Variants in ASB6 observed in about 807,000 individuals in gnomAD.
ASB6 encodes the protein ankyrin repeat and SOCS box containing 6.
ASB6 carries 24 observed loss-of-function variants against 28.6 expected under a neutral mutation model. The ratio of observed to expected loss-of-function variants is 0.84; its 90% CI spans 0.61 to 1.18. The LOEUF is 1.18. Ranked by LOEUF, ASB6 falls within the 50% of genes most tolerant of loss-of-function variation. The pLI is 0.00. For synonymous variants in ASB6, 267 were observed against 243.4 expected (o/e 1.10, Z -0.90); for missense variants, 519 against 559.8 (o/e 0.93, Z 0.74).
At position 129,638,662 on chromosome 9, in the gene ASB6, A is replaced by T. The variant is rs78799521; in HGVS notation, c.512-3T>A. The T allele has an allele frequency of 1.9e-6, 3 of 1,609,346 alleles. No homozygotes were observed. The highest frequency in any genetic ancestry group is 2.5e-6 in the Non-Finnish European group (3 of 1,178,040). ...AGCATGGAGCAGAGCAGTTTTTCCT[A>T]GGGAGGGAGGGAGAGCAAGGAGGAG... On this transcript the variant is annotated splice_region_variant and splice_polypyrimidine_tract_variant and intron_variant, in intron 4 of 5. Coordinates refer to ENST00000277458, the MANE Select transcript of ASB6 (RefSeq NM_017873.4).
rs773134484 is a variant in ASB6, at chr9:129,639,539, C to A, written c.296-31G>T. The A allele has an allele frequency of 3.8e-6, 6 of 1,586,518 alleles. No individual in the cohort carries two copies. In the Admixed American group the frequency reaches 6.8e-5, roughly 18 times the overall value. Reference sequence around the variant, plus strand: ...GGTGCAGACACAGCTCATGTGGGTCCTATCTGTCCGCATTCTTATGGGGCC... The same window carrying A: ...GGTGCAGACACAGCTCATGTGGGTCATATCTGTCCGCATTCTTATGGGGCC... On this transcript the variant is annotated intron_variant, in intron 2 of 5. Transcript: ENST00000277458.
In ASB6 at chr9:129,637,682, C is replaced by T; in HGVS notation, c.*108G>A. On this transcript the variant is annotated 3_prime_UTR_variant, in exon 6 of 6. Transcript: ENST00000277458. The stretch of plus-strand genomic sequence containing the variant: ...TGGCTGGCTTTTCTCATGAAGGATC[C>T]CGTCTCATCTCCCAGATCAAAAAGA... The T allele has an allele frequency of 8.4e-7, 1 of 1,193,036 alleles. No homozygotes were observed. The highest frequency in any genetic ancestry group is 2.5e-5 in the East Asian group (1 of 39,254). The allele number at this position is 1,193,036 out of a possible 1,614,324, so 73.9% of individuals were successfully genotyped here.
chr9:129,637,737 C>T lies in ASB6; in HGVS notation c.*53G>A. The T allele has an allele frequency of 6.9e-7, 1 of 1,445,108 alleles. No homozygotes were observed. Among genetic ancestry groups the T allele is most frequent in the East Asian group, 2.3e-5 (1 of 42,714 alleles). The allele number at this position is 1,445,108 out of a possible 1,614,324, so 89.5% of individuals were successfully genotyped here. ...CTTCTAATGCTGTCCCAGCATCTACCAACAGGCTGACCTGAGCTGCCCGTG... is the reference window on the plus strand; with the variant it reads ...CTTCTAATGCTGTCCCAGCATCTACTAACAGGCTGACCTGAGCTGCCCGTG... On this transcript the variant is annotated 3_prime_UTR_variant, in exon 6 of 6. Transcript: ENST00000277458.
rs943238228 is a variant in ASB6 at position 129,635,000 on chromosome 9, CTT to C, written c.*2788_*2789del. 2.9e-5 allele frequency: 18 copies of C among 612,076 alleles called. No individual in the cohort carries two copies. The highest frequency in any genetic ancestry group is 1.5e-4 in the Admixed American group (5 of 33,064). The allele number at this position is 612,076 out of a possible 1,614,324, so 37.9% of individuals were successfully genotyped here. On this transcript the variant is annotated 3_prime_UTR_variant, in exon 6 of 6. Transcript: ENST00000277458. ...CAAGTCAAATTCTGGCTTAATGTGT[CTT>C]TAGGTAGATGACCTCTGAGCCACAG... is the stretch of plus-strand genomic sequence containing the variant.
chr9:129,639,475 G>C lies in ASB6; in HGVS notation c.329C>G (p.Ala110Gly). The C allele has an allele frequency of 1.2e-6, 2 of 1,613,848 alleles. No individual in the cohort carries two copies. The highest frequency in any genetic ancestry group is 4.5e-5 in the East Asian group (2 of 44,876). The change falls in exon 3 of 6, where the codon GCC becomes GGC. Residue 110 changes from alanine to glycine, a missense_variant. Transcript: ENST00000277458. ...PVTYYTALHI[A>G]VLRNQPDMVE... The stretch of plus-strand genomic sequence containing the variant: ...CATGTCCGGCTGGTTCCGCAGGACG[G>C]CGATGTGCAAGGCCGTGTAGTAGGT...
Position 129,637,815 on chromosome 9 carries a change from C to G in ASB6, c.1241G>C (p.Ser414Thr), listed in dbSNP as rs927477222. Residue 414 changes from serine to threonine, a missense_variant, in exon 6 of 6, where the codon AGT becomes ACT. Physicochemically the swap from Ser to Thr is moderately conservative, Grantham distance 58. Transcript: ENST00000277458. Reference sequence around the variant, plus strand: ...TCAGATGTCATCTTCCACGGAGCCACTGTGCTCGCTAAGGAGGTACCACTT... The same window carrying G: ...TCAGATGTCATCTTCCACGGAGCCAGTGTGCTCGCTAAGGAGGTACCACTT... The part of the protein sequence containing the change: ...RLKWYLLSEH[S>T]GSVEDDI 4 of 1,514,686 alleles carry G rather than the reference C, an allele frequency of 2.6e-6. No homozygotes were observed. In the African/African-American group the frequency reaches 5.6e-5, roughly 21 times the overall value. The allele number at this position is 1,514,686 out of a possible 1,614,324, so 93.8% of individuals were successfully genotyped here. A position where few individuals can be genotyped will look rare whatever the true frequency, so the allele number is the denominator to read the frequency against.
In ASB6 at chr9:129,635,680, G is replaced by C. The variant is rs996043241; in HGVS notation, c.*2110C>G. ...GAACCAGCGGTGAGGCAGGAGCCCA[G>C]ACCCTGCTCTCCTGCGAGATGGGAT... is the stretch of plus-strand genomic sequence containing the variant. On this transcript the variant is annotated 3_prime_UTR_variant, in exon 6 of 6. Coordinates refer to ENST00000277458, the MANE Select transcript of ASB6 (RefSeq NM_017873.4). 10 of 584,820 alleles carry C rather than the reference G, an allele frequency of 1.7e-5. No homozygotes were observed. The African/African-American group carries it at 1.9e-4, about 11-fold the overall frequency. 36.2% of individuals were successfully genotyped at this position (584,820 alleles called of 1,614,324 possible). A position where few individuals can be genotyped will look rare whatever the true frequency, so the allele number is the denominator to read the frequency against.
intron 4 of ASB6, 34 bp from the exon 5 acceptor site, chr9:129,638,693 G>GGCCAGGAA: frequency 6.3e-7 from 1 of 1,585,836 alleles, no homozygotes; most frequent in East Asian, 2.3e-5. Context: ...AGGAGCAGGA[G>GGCCAGGAA]GCCAGGAAGC....
At position 129,642,095 on chromosome 9, in the gene ASB6, C is replaced by T; in HGVS notation, c.-96G>A. 6.4e-6 allele frequency: 9 copies of T among 1,408,288 alleles called. No individual in the cohort carries two copies. Among genetic ancestry groups the T allele is most frequent in the Non-Finnish European group, 8.3e-6 (9 of 1,080,476 alleles). 87.2% of individuals were successfully genotyped at this position (1,408,288 alleles called of 1,614,324 possible). A position where few individuals can be genotyped will look rare whatever the true frequency, so the allele number is the denominator to read the frequency against. ...ACGCTCCGGCGGCCGCGGACCCCAC[C>T]TGCTCCGCCAGTCCAGCCCCTGCGC... On this transcript the variant is annotated 5_prime_UTR_variant, in exon 1 of 6. Transcript: ENST00000277458. This position sits in a 1 kb window ranked among gnomAD's most constrained non-coding sequence, Gnocchi z 4.3.
At position 129,640,328 on chromosome 9, in the gene ASB6, C is replaced by G. The variant is rs1440837590; in HGVS notation, c.295+213G>C. ...ATCACATGGTAGAAGCAGCAACACT[C>G]GCTCTTGGAACAGAGGTGGGAAGAG... is the stretch of plus-strand genomic sequence containing the variant. On this transcript the variant is annotated intron_variant, in intron 2 of 5. Transcript: ENST00000277458. 5 of 566,424 alleles carry G rather than the reference C, an allele frequency of 8.8e-6. 1 individual carries two copies. Among genetic ancestry groups the G allele is most frequent in the Non-Finnish European group, 8.8e-6 (3 of 342,332 alleles). The allele number at this position is 566,424 out of a possible 1,614,324, so 35.1% of individuals were successfully genotyped here.
rs1399452684 is a variant in ASB6, at chr9:129,634,974, T to G, written c.*2816A>C. 7.2e-6 allele frequency: 4 copies of G among 553,046 alleles called. No homozygotes were observed. The highest frequency in any genetic ancestry group is 5.7e-5 in the African/African-American group (3 of 52,942). 34.3% of individuals were successfully genotyped at this position (553,046 alleles called of 1,614,324 possible). A position where few individuals can be genotyped will look rare whatever the true frequency, so the allele number is the denominator to read the frequency against. The stretch of plus-strand genomic sequence containing the variant: ...CAGGCAGGACTTGTAAGCCATCCCG[T>G]CAAGTCAAATTCTGGCTTAATGTGT... On this transcript the variant is annotated 3_prime_UTR_variant, in exon 6 of 6. Coordinates refer to ENST00000277458, the MANE Select transcript of ASB6 (RefSeq NM_017873.4).
rs2118987408 is a variant in ASB6, at chr9:129,634,884, CTT to C, written c.*2904_*2905del. ...CTGGGAGCTCCTGCAATGCCAAACT[CTT>C]AGCCCAGGTTCACTCCTCCGATCCA... On this transcript the variant is annotated 3_prime_UTR_variant, in exon 6 of 6. Transcript: ENST00000277458. 2.9e-6 allele frequency: 1 copy of C among 349,460 alleles called. No homozygotes were observed. The highest frequency in any genetic ancestry group is 2.1e-5 in the African/African-American group (1 of 47,550). 21.6% of individuals were successfully genotyped at this position (349,460 alleles called of 1,614,324 possible). A position where few individuals can be genotyped will look rare whatever the true frequency, so the allele number is the denominator to read the frequency against.
chr9:129,640,597 C>T lies in ASB6; in HGVS notation c.239G>A (p.Gly80Glu), dbSNP rs1392735164. ...SNALLKMAEL[G>E]LTRAADVLLR... Reference sequence around the variant, plus strand: ...GAGAACGTCGGCCGCCCGCGTCAGCCCCAGCTCAGCCATCTTGAGCAGGGC... The same window carrying T: ...GAGAACGTCGGCCGCCCGCGTCAGCTCCAGCTCAGCCATCTTGAGCAGGGC... The change falls in exon 2 of 6, where the codon GGG becomes GAG. Residue 80 changes from glycine (G) to glutamate (E), a missense_variant. Coordinates refer to ENST00000277458, the MANE Select transcript of ASB6 (RefSeq NM_017873.4). The T allele has an allele frequency of 6.2e-7, 1 of 1,613,642 alleles. No homozygotes were observed. The highest frequency in any genetic ancestry group is 8.5e-7 in the Non-Finnish European group (1 of 1,179,938).
Sources: gnomAD v4.1 joint callset for allele counts on GRCh38, gnomAD v4.1.1 for gene constraint, Gnocchi (gnomAD v3.1) non-coding constraint, MANE v1.5 for transcripts, NCBI Gene and HGNC (gene_info 2026-07-23, HGNC 2026-07-21) for gene names.